Variants in GPM6A observed in about 807,000 individuals in gnomAD.
GPM6A encodes neuronal membrane glycoprotein M6-a.
In GPM6A, 7 loss-of-function variants were observed where a neutral mutation model predicts 32.1. The observed-to-expected ratio is 0.22, with a 90% CI of 0.12 to 0.41. The LOEUF is 0.41. Ranked by LOEUF, GPM6A falls within the 10% of genes least tolerant of loss-of-function variation. The pLI is 1.00. For synonymous variants in GPM6A, 130 were observed against 123.4 expected, an observed-to-expected ratio of 1.05 and a Z score of -0.35; for missense variants, 235 against 347.2, an observed-to-expected ratio of 0.68 and a Z score of 2.57.
intron 2 of GPM6A, among the ~76,000 whole-genome samples, chr4:175,693,301 A>T (rs139537377): frequency 0.047 from 7,063 of 148,726 alleles, 205 homozygotes; most frequent in Non-Finnish European, 0.062. Context: ...TATATATATA[A>T]AATATACATA....
chr4:175,760,421 TGAG>T (rs918621397), intron 1 of GPM6A, among the ~76,000 whole-genome samples: 3 of 152,070 alleles, frequency 2.0e-5, no homozygotes, highest in Non-Finnish European at 2.9e-5. Flanking sequence ...TGAGAAAAGA[TGAG>T]GAGACAAGCA....
At chr4:175,812,131 G>T in intron 1 of GPM6A, 60 bp downstream of exon 1, 2 of 1,306,836 alleles carry the variant, frequency 1.5e-6, no homozygotes, top group Non-Finnish European at 2.2e-6. Flanking sequence ...AGTGTCTAAA[G>T]CAAACAAGGA....
intron 1 of GPM6A, among the ~76,000 whole-genome samples, chr4:175,955,980 C>G (rs1561010763): frequency 6.6e-6 from 1 of 152,136 alleles, no homozygotes; most frequent in African/African-American, 2.4e-5. Flanking sequence ...TAGACAAATA[C>G]TCGGGTAAGG....
At chr4:175,903,889 C>T (rs10012096) in intron 1 of GPM6A, among the ~76,000 whole-genome samples, 67,477 of 151,784 alleles carry the variant, frequency 0.44, 15,292 homozygotes, top group Admixed American at 0.52. Context: ...CCATGGATAA[C>T]GTGATATATA....
intron 1 of GPM6A, among the ~76,000 whole-genome samples, chr4:175,790,605 A>T (rs1198927089): frequency 6.6e-6 from 1 of 152,338 alleles, no homozygotes; most frequent in East Asian, 1.9e-4. Context: ...ACATGATATA[A>T]GGATACCATA....
At chr4:175,981,618 G>A (rs531917954) in intron 1 of GPM6A, among the ~76,000 whole-genome samples, 10 of 152,068 alleles carry the variant, frequency 6.6e-5, no homozygotes, top group South Asian at 2.1e-4. Context: ...ACCAGAGTTC[G>A]CCCATTCAGC....
chr4:175,655,675 C>T (rs1035759681), intron 3 of GPM6A, among the ~76,000 whole-genome samples: 1 of 151,884 alleles, frequency 6.6e-6, no homozygotes, highest in Non-Finnish European at 1.5e-5. Context: ...AATTCATCTT[C>T]ATAATATCTG....
chr4:175,921,729 A>G (rs1402358504), intron 1 of GPM6A, among the ~76,000 whole-genome samples: 2 of 152,204 alleles, frequency 1.3e-5, no homozygotes, highest in Admixed American at 6.5e-5. Context: ...AATCCTGACC[A>G]TGAGCCATCA....
chr4:175,967,286 T>C (rs1161363434), intron 1 of GPM6A, among the ~76,000 whole-genome samples: 1 of 152,160 alleles, frequency 6.6e-6, no homozygotes, highest in Non-Finnish European at 1.5e-5. Flanking sequence ...AGGTGAACTT[T>C]CTCAACTTGG....
chr4:175,825,920 C>A (rs1735420987), intron 1 of GPM6A, among the ~76,000 whole-genome samples: 1 of 152,036 alleles, frequency 6.6e-6, no homozygotes, highest in African/African-American at 2.4e-5. Context: ...TGGCTCACAA[C>A]TGTAATCTCA....
intron 2 of GPM6A, among the ~76,000 whole-genome samples, chr4:175,698,656 T>C (rs751240714): frequency 6.6e-6 from 1 of 152,136 alleles, no homozygotes; most frequent in Non-Finnish European, 1.5e-5. Flanking sequence ...AGGGAGAGAG[T>C]CTCAAATACT....
rs752665974 is a variant in GPM6A at position 175,673,760 on chromosome 4, C to T, written c.307G>A (p.Gly103Ser). 2 of 1,612,764 alleles carry T rather than the reference C, an allele frequency of 1.2e-6. No individual in the cohort carries two copies. The highest frequency in any genetic ancestry group is 2.7e-5 in the African/African-American group (2 of 74,896). The change falls in exon 3 of 7, where the codon GGT (glycine) becomes AGT (serine). Residue 103 changes from glycine to serine, a missense_variant. By Grantham distance (56) the Gly-to-Ser change is moderately conservative. Transcript: ENST00000393658. ...TTGATGGCCCCAGTTGTGAAGAAAC[C>T]TTCCACCATCAGCAAAATGCCATAC... ...FVYGILLMVE[G>S]FFTTGAIKDL...
At chr4:175,972,316 ATT>A (rs1740529513) in intron 1 of GPM6A, among the ~76,000 whole-genome samples, 1 of 152,254 alleles carries the variant, frequency 6.6e-6, no homozygotes, top group African/African-American at 2.4e-5. Context: ...TGCTCAAAAG[ATT>A]TTGTTTACAT....
At chr4:175,665,913 A>G (rs28690824) in intron 3 of GPM6A, among the ~76,000 whole-genome samples, 151,488 of 151,530 alleles carry the variant, frequency 1, 75,723 homozygotes, top group Middle Eastern at 1. Context: ...AAATGTCTGA[A>G]AAATGTACTT....
upstream of GPM6A, among the ~76,000 whole-genome samples, chr4:175,813,295 G>A (rs144052788): frequency 9.0e-3 from 1,376 of 152,230 alleles, 20 homozygotes; most frequent in Middle Eastern, 0.014. Context: ...GAATCTGCAA[G>A]CTGATTTGGA....
intron 1 of GPM6A, among the ~76,000 whole-genome samples, chr4:175,768,533 T>G (rs1733062153): frequency 6.6e-6 from 1 of 151,954 alleles, no homozygotes; most frequent in Non-Finnish European, 1.5e-5. Context: ...AAAAAATTAA[T>G]AATAATTCAG....
chr4:175,945,159 G>A (rs28402107), intron 1 of GPM6A, among the ~76,000 whole-genome samples: 7,056 of 152,020 alleles, frequency 0.046, 272 homozygotes, highest in South Asian at 0.19. Context: ...ATCTCACTAC[G>A]GAAAACAAAG....
chr4:175,897,148 G>GA (rs758580205), intron 1 of GPM6A, among the ~76,000 whole-genome samples: 15 of 152,110 alleles, frequency 9.9e-5, no homozygotes, highest in Non-Finnish European at 2.1e-4. Context: ...TCGGGATTAG[G>GA]AAATGTAGGA....
chr4:175,746,882 T>C (rs531835774), intron 1 of GPM6A, among the ~76,000 whole-genome samples: 12 of 152,164 alleles, frequency 7.9e-5, no homozygotes, highest in Non-Finnish European at 1.8e-4. Flanking sequence ...TGTGTGATGA[T>C]TAGCAAGTAC....
Sources: allele counts gnomAD v4.1 joint callset (sites outside exome capture counted in the v4.1 genomes callset), GRCh38; gene constraint gnomAD v4.1.1; transcripts MANE v1.5; gene names NCBI Gene and HGNC (gene_info 2026-07-23, HGNC 2026-07-21).